The following PDE4D variants were observed in gnomAD, a reference collection of about 807,000 sequenced individuals.
The protein encoded by PDE4D is phosphodiesterase 4D.
In PDE4D, 24 loss-of-function variants were observed where a neutral mutation model predicts 87.4. The ratio of observed to expected loss-of-function variants is 0.27; its 90% CI spans 0.20 to 0.39. PDE4D has a LOEUF of 0.39. Among genes scored for constraint, PDE4D ranks in the 10% least tolerant of loss-of-function variants. The pLI is 1.00. For missense variants in PDE4D, 714 were observed against 1,041.0 expected (o/e 0.69, Z 4.32); for synonymous variants, 384 against 383.2 (o/e 1.00, Z -0.02).
At chr5:59,540,228 G>A (rs1409343787) in intron 1 of PDE4D, among the ~76,000 whole-genome samples, 1 of 152,090 alleles carries the variant, frequency 6.6e-6, no homozygotes, top group Non-Finnish European at 1.5e-5. Flanking sequence ...TTTGACATGT[G>A]CTGTCCTCTT....
At chr5:59,874,217 A>G (rs1748224680) in intron 1 of PDE4D, among the ~76,000 whole-genome samples, 1 of 152,190 alleles carries the variant, frequency 6.6e-6, no homozygotes, top group South Asian at 2.1e-4. Context: ...GAAAAAAGTA[A>G]GATTTAGAGT....
At chr5:59,717,140 TTC>T (rs1755150481) in intron 1 of PDE4D, among the ~76,000 whole-genome samples, 2 of 152,296 alleles carry the variant, frequency 1.3e-5, no homozygotes, top group South Asian at 2.1e-4. Flanking sequence ...CCTGCCTTTA[TTC>T]TCTCTCAGAT....
intron 1 of PDE4D, among the ~76,000 whole-genome samples, chr5:60,285,011 T>C (rs2149757022): frequency 6.6e-6 from 1 of 152,148 alleles, no homozygotes; most frequent in South Asian, 2.1e-4. Context: ...TTCTTTGTAA[T>C]TGAGAAGTTA....
At chr5:60,226,883 T>A (rs927307051) in intron 1 of PDE4D, among the ~76,000 whole-genome samples, 4 of 151,828 alleles carry the variant, frequency 2.6e-5, no homozygotes, top group Non-Finnish European at 5.9e-5. Context: ...TTTTAAATGG[T>A]ATTAAACTAA....
At chr5:60,106,544 A>T (rs1776944022) in intron 2 of PDE4D, among the ~76,000 whole-genome samples, 4 of 152,102 alleles carry the variant, frequency 2.6e-5, no homozygotes, top group Admixed American at 1.3e-4. Flanking sequence ...CCCCAAATCA[A>T]CAGAATATAC....
chr5:60,425,056 G>A (rs190189083), intron 1 of PDE4D, among the ~76,000 whole-genome samples: 46 of 150,138 alleles, frequency 3.1e-4, no homozygotes, highest in African/African-American at 1.0e-3. Context: ...ATGGAAGAAC[G>A]TTCCATGCTT....
At chr5:59,153,261 ACTATAAG>A (rs1779706537) in intron 5 of PDE4D, among the ~76,000 whole-genome samples, 3 of 152,030 alleles carry the variant, frequency 2.0e-5, no homozygotes, top group Non-Finnish European at 4.4e-5. Context: ...TTCATTGACC[ACTATAAG>A]GCTTTTCTTA....
At chr5:60,180,422 G>A (rs1254576348) in intron 2 of PDE4D, among the ~76,000 whole-genome samples, 1 of 152,086 alleles carries the variant, frequency 6.6e-6, no homozygotes, top group East Asian at 1.9e-4. Context: ...TGCCCACAAC[G>A]TGATGAAGTG....
At chr5:59,512,119 A>C (rs1414899386) in intron 1 of PDE4D, among the ~76,000 whole-genome samples, 2 of 152,164 alleles carry the variant, frequency 1.3e-5, no homozygotes, top group African/African-American at 4.8e-5. Flanking sequence ...CTCAACTGTT[A>C]ATGACTCAGT....
At position 59,128,015 on chromosome 5, in the gene PDE4D, C is replaced by CGTGTGTGTGTGTGTGTGT. The variant is rs55796726; in HGVS notation, c.808+52562_808+52579dup. On this transcript the variant is annotated intron_variant, in intron 5 of 14. Coordinates refer to ENST00000340635, the MANE Select transcript of PDE4D (RefSeq NM_001104631.2). ...TCCTCCGTGTCTGAGCTTTCAGAGCCGTGTGTGTGTGTGTGTGTGTGTGTG... is the reference window on the plus strand; with the variant it reads ...TCCTCCGTGTCTGAGCTTTCAGAGCCGTGTGTGTGTGTGTGTGTGTGTGTGTGTGTGTGTGTGTGTGTG... Among the ~76,000 whole-genome samples the CGTGTGTGTGTGTGTGTGT allele has an allele frequency of 3.5e-4, 51 of 144,418 alleles. 1 individual carries two copies. The highest frequency in any genetic ancestry group is 2.2e-3 in the East Asian group (10 of 4,632). The allele number at this position is 144,418 out of a possible 152,430, so 94.7% of individuals were successfully genotyped here.
chr5:59,233,786 G>T (rs1323133736), intron 1 of PDE4D, among the ~76,000 whole-genome samples: 1 of 152,120 alleles, frequency 6.6e-6, no homozygotes, highest in South Asian at 2.1e-4. Context: ...GGGTGATAGA[G>T]TAGGTCATAG....
At chr5:59,342,741 T>C (rs1778938293) in intron 1 of PDE4D, among the ~76,000 whole-genome samples, 4 of 152,074 alleles carry the variant, frequency 2.6e-5, no homozygotes, top group African/African-American at 9.7e-5. Context: ...CCCCAGAATA[T>C]AAAATATAAA....
intron 1 of PDE4D, among the ~76,000 whole-genome samples, chr5:59,495,507 G>C (rs1040113332): frequency 6.6e-6 from 1 of 152,202 alleles, no homozygotes; most frequent in African/African-American, 2.4e-5. Flanking sequence ...AGCAGAAGCA[G>C]GTAGTGTGTG....
intron 1 of PDE4D, among the ~76,000 whole-genome samples, chr5:60,189,233 G>A (rs1269529566): frequency 2.0e-5 from 3 of 152,056 alleles, no homozygotes; most frequent in East Asian, 1.9e-4. Flanking sequence ...AGATAGTGCT[G>A]GAATATTCAG....
intron 1 of PDE4D, among the ~76,000 whole-genome samples, chr5:59,732,797 A>G (rs1757557438): frequency 6.6e-6 from 1 of 152,204 alleles, no homozygotes; most frequent in African/African-American, 2.4e-5. Flanking sequence ...TGAAATAGGC[A>G]GAATCATTCA....
At chr5:60,312,402 C>G (rs1459875938) in intron 1 of PDE4D, among the ~76,000 whole-genome samples, 1 of 152,160 alleles carries the variant, frequency 6.6e-6, no homozygotes. Flanking sequence ...TTTATTCTCA[C>G]ACAGCTATGA....
chr5:59,445,719 A>G (rs2153638020), intron 1 of PDE4D, among the ~76,000 whole-genome samples: 1 of 152,316 alleles, frequency 6.6e-6, no homozygotes, highest in African/African-American at 2.4e-5. Flanking sequence ...TAGTCTGGGA[A>G]TTATGTCATG....
intron 6 of PDE4D, among the ~76,000 whole-genome samples, chr5:59,029,007 GGTGA>G (rs1189654797): frequency 6.6e-6 from 1 of 152,048 alleles, no homozygotes; most frequent in African/African-American, 2.4e-5. Flanking sequence ...GAGGCACTTG[GGTGA>G]GTATTTAGAT....
At chr5:59,798,254 C>CTGTGTGTGTGTG (rs72009917) in intron 1 of PDE4D, among the ~76,000 whole-genome samples, 180 of 143,942 alleles carry the variant, frequency 1.3e-3, no homozygotes, top group Non-Finnish European at 2.1e-3. Context: ...ATATAAATGC[C>CTGTGTGTGTGTG]TGTGTGTGTG....
Sources: gnomAD v4.1 joint callset for allele counts (sites outside exome capture counted in the v4.1 genomes callset) on GRCh38, gnomAD v4.1.1 for gene constraint, MANE v1.5 for transcripts, NCBI Gene and HGNC (gene_info 2026-07-23, HGNC 2026-07-21) for gene names.